Variants in PAK1 observed in about 807,000 individuals in gnomAD.
PAK1 encodes the protein p21 (RAC1) activated kinase 1.
Under a neutral mutation model 67.4 loss-of-function variants are expected in PAK1, and 29 were observed. The observed-to-expected ratio is 0.43, with a 90% CI of 0.32 to 0.59. The LOEUF is 0.59. Ranked by LOEUF, PAK1 falls within the 20% of genes least tolerant of loss-of-function variation. The pLI is 0.07. For synonymous variants in PAK1, 223 were observed against 237.4 expected, an observed-to-expected ratio of 0.94 and a Z score of 0.56; for missense variants, 337 against 670.7, an observed-to-expected ratio of 0.50 and a Z score of 5.50.
intron 4 of PAK1, among the ~76,000 whole-genome samples, chr11:77,378,895 A>G (rs903395305): frequency 6.6e-6 from 1 of 152,082 alleles, no homozygotes; most frequent in African/African-American, 2.4e-5. Flanking sequence ...ACCATTTCTC[A>G]CTACAGCCTC....
intron 11 of PAK1, among the ~76,000 whole-genome samples, chr11:77,339,096 AAAG>A (rs1943183188): frequency 6.6e-6 from 1 of 152,170 alleles, no homozygotes; most frequent in African/African-American, 2.4e-5. Context: ...AGATTTTTTA[AAAG>A]GAGAAGATGA....
chr11:77,332,920 T>A, intron 13 of PAK1, 53 bp from the exon 14 acceptor site: 1 of 1,563,374 alleles, frequency 6.4e-7, no homozygotes, highest in Non-Finnish European at 8.8e-7. Context: ...CTCTCTCTTG[T>A]TCCCCATATA....
intron 14 of PAK1, among the ~76,000 whole-genome samples, chr11:77,325,718 C>T (rs555500942): frequency 6.6e-6 from 1 of 152,166 alleles, no homozygotes; most frequent in East Asian, 1.9e-4. Flanking sequence ...CTTTTAGTTC[C>T]AACAGATACT....
At chr11:77,411,857 C>G (rs927131634) in intron 1 of PAK1, 2 of 152,364 alleles carry the variant, frequency 1.3e-5, no homozygotes, top group African/African-American at 2.4e-5. Flanking sequence ...CGGGTACCCA[C>G]AAGGCCCCTG....
At chr11:77,369,008 C>A (rs955234478) in intron 5 of PAK1, among the ~76,000 whole-genome samples, 3 of 152,138 alleles carry the variant, frequency 2.0e-5, no homozygotes, top group Admixed American at 2.0e-4. Flanking sequence ...TATATTGACA[C>A]CTTATAGTTA....
chr11:77,464,843 T>G (rs1477224519), intron 1 of PAK1, among the ~76,000 whole-genome samples: 1 of 152,254 alleles, frequency 6.6e-6, no homozygotes, highest in Non-Finnish European at 1.5e-5. Context: ...TATTCAATAC[T>G]GCACTGAAAG....
At chr11:77,522,120 G>C in the PAK1 span, among the ~76,000 whole-genome samples, 2 of 152,160 alleles carry the variant, frequency 1.3e-5, no homozygotes, top group Admixed American at 6.6e-5. Context: ...TTTCTACATA[G>C]ACCTTTTAGA....
chr11:77,523,673 C>T, the PAK1 span, among the ~76,000 whole-genome samples: 1 of 152,206 alleles, frequency 6.6e-6, no homozygotes, highest in East Asian at 1.9e-4. Flanking sequence ...CCGCCTTGAC[C>T]TCCCAAAGTG....
At chr11:77,520,454 G>T in the PAK1 span, among the ~76,000 whole-genome samples, 1 of 152,162 alleles carries the variant, frequency 6.6e-6, no homozygotes, top group Non-Finnish European at 1.5e-5. Flanking sequence ...GGTAAGGAAA[G>T]CTCAAAAATC....
the PAK1 span, among the ~76,000 whole-genome samples, chr11:77,502,997 C>T: frequency 6.6e-6 from 1 of 152,110 alleles, no homozygotes; most frequent in Non-Finnish European, 1.5e-5. Context: ...ACAATAACAA[C>T]ATGAATTTCT....
intron 1 of PAK1, among the ~76,000 whole-genome samples, chr11:77,416,015 G>A (rs373665841): frequency 6.2e-5 from 8 of 129,676 alleles, no homozygotes; most frequent in Admixed American, 7.4e-5. Context: ...GTCTCACTCC[G>A]TCACCCAGGC....
intron 1 of PAK1, 28 bp from the exon 2 acceptor site, chr11:77,392,569 C>A: frequency 1.3e-6 from 2 of 1,490,018 alleles, no homozygotes; most frequent in South Asian, 1.3e-5. Flanking sequence ...AACAATATAA[C>A]TCTTTTATTA....
chr11:77,512,918 A>G, the PAK1 span, among the ~76,000 whole-genome samples: 1 of 151,974 alleles, frequency 6.6e-6, no homozygotes, highest in African/African-American at 2.4e-5. Flanking sequence ...ACATGGCGAA[A>G]CCCTGTCTCT....
At chr11:77,404,685 C>A (rs140504090) in intron 1 of PAK1, among the ~76,000 whole-genome samples, 2,089 of 152,320 alleles carry the variant, frequency 0.014, 21 homozygotes, top group Non-Finnish European at 0.021. Context: ...CTTCCAGTTA[C>A]AATGAAGGAG....
chr11:77,467,728 G>A (rs1283121713), intron 1 of PAK1, among the ~76,000 whole-genome samples: 2 of 152,174 alleles, frequency 1.3e-5, no homozygotes, highest in South Asian at 2.1e-4. Context: ...ATATAGCTCA[G>A]TATCTTACAA....
chr11:77,401,170 G>GT (rs1379441430), intron 1 of PAK1, among the ~76,000 whole-genome samples: 3 of 152,226 alleles, frequency 2.0e-5, no homozygotes, highest in Non-Finnish European at 4.4e-5. Flanking sequence ...GAACTGGGGA[G>GT]TACTGTATGC....
chr11:77,351,145 T>C (rs1414649476), intron 8 of PAK1, among the ~76,000 whole-genome samples: 1 of 152,180 alleles, frequency 6.6e-6, no homozygotes, highest in Admixed American at 6.5e-5. Flanking sequence ...TTCATCATAT[T>C]GGTGTGACAG....
Position 77,355,038 on chromosome 11 carries a change from T to C in PAK1, c.772+630A>G, listed in dbSNP as rs577571417. Among the ~76,000 whole-genome samples, 28 of 152,298 alleles carry C rather than the reference T, an allele frequency of 1.8e-4. No homozygotes were observed. In the South Asian group the frequency reaches 2.7e-3, roughly 15 times the overall value. ...TCTACTTACAGGAACAAAAACTGTG[T>C]TCTAACCTCAGCCATGTCACTTTTT... On this transcript the variant is annotated intron_variant, in intron 7 of 14. Coordinates refer to ENST00000356341, the MANE Select transcript of PAK1 (RefSeq NM_002576.5).
intron 1 of PAK1, among the ~76,000 whole-genome samples, chr11:77,457,234 T>A (rs1957122582): frequency 6.6e-6 from 1 of 152,224 alleles, no homozygotes; most frequent in Non-Finnish European, 1.5e-5. Context: ...GTTACAGCCT[T>A]GTTGAAATGT....
Sources: allele counts gnomAD v4.1 joint callset (sites outside exome capture counted in the v4.1 genomes callset), GRCh38; gene constraint gnomAD v4.1.1; transcripts MANE v1.5; gene names NCBI Gene and HGNC (gene_info 2026-07-23, HGNC 2026-07-21).